LAMC2: variants seen among roughly 807,000 people sequenced by gnomAD.
The protein encoded by LAMC2 is laminin subunit gamma 2, also known as laminin subunit gamma-2.
Under a neutral mutation model 140.2 loss-of-function variants are expected in LAMC2, and 97 were observed. That is an observed-to-expected ratio of 0.69 (90% CI 0.59 to 0.82). The LOEUF (loss-of-function observed/expected upper bound fraction) is 0.82. Ranked by LOEUF, LAMC2 falls within the 40% of genes least tolerant of loss-of-function variation. The pLI is 0.00. For synonymous variants in LAMC2, 513 were observed against 540.2 expected, an observed-to-expected ratio of 0.95 and a Z score of 0.70; for missense variants, 1,402 against 1,476.1, an observed-to-expected ratio of 0.95 and a Z score of 0.82.
rs527299855 is a variant in LAMC2, at chr1:183,191,276, T to C, written c.79+4845T>C. 3.9e-5 allele frequency among the ~76,000 whole-genome samples: 6 copies of C among 152,242 alleles called. No homozygotes were observed. In the South Asian group the frequency reaches 1.2e-3, roughly 32 times the overall value. On this transcript the variant is annotated intron_variant, in intron 1 of 22. Transcript: ENST00000264144. ...CATGTACAGAGATATAGAATTGGGT[T>C]GGAGGTGGGCTGGAAATTCCCATAT...
At chr1:183,197,513 A>G (rs889087118) in intron 1 of LAMC2, among the ~76,000 whole-genome samples, 1 of 152,060 alleles carries the variant, frequency 6.6e-6, no homozygotes, top group Admixed American at 6.6e-5. Flanking sequence ...TGTCTCTACT[A>G]AAAATACAAA....
chr1:183,199,103 T>TC (rs1458209375), intron 1 of LAMC2, among the ~76,000 whole-genome samples: 1 of 134,298 alleles, frequency 7.4e-6, no homozygotes, highest in African/African-American at 2.8e-5. Flanking sequence ...TTTTCTTTTT[T>TC]TTTTTTTTTT....
chr1:183,238,223 G>C lies in LAMC2; in HGVS notation c.2755-84G>C, dbSNP rs574813699. ...ACTCTGCAGTGAATCACAATGATCTGCTGTCATGAAGAGAAATGTGTCAGA... is the reference window on the plus strand; with the variant it reads ...ACTCTGCAGTGAATCACAATGATCTCCTGTCATGAAGAGAAATGTGTCAGA... On this transcript the variant is annotated intron_variant, in intron 18 of 22. Transcript: ENST00000264144. 1.6e-5 allele frequency: 15 copies of C among 963,112 alleles called. No individual in the cohort carries two copies. In the African/African-American group the frequency reaches 2.2e-4, roughly 14 times the overall value. The allele number at this position is 963,112 out of a possible 1,614,324, so 59.7% of individuals were successfully genotyped here.
intron 4 of LAMC2, among the ~76,000 whole-genome samples, chr1:183,218,926 C>T (rs190972798): frequency 1.8e-4 from 28 of 152,322 alleles, no homozygotes; most frequent in Non-Finnish European, 3.7e-4. Context: ...ATATAACCAT[C>T]GTGTACAGAA....
At chr1:183,233,210 A>G (rs1463141808) in intron 14 of LAMC2, among the ~76,000 whole-genome samples, 1 of 152,118 alleles carries the variant, frequency 6.6e-6, no homozygotes, top group Non-Finnish European at 1.5e-5. Context: ...CACAGTGTAT[A>G]GCTGTGGTAA....
intron 17 of LAMC2, among the ~76,000 whole-genome samples, chr1:183,237,143 G>A (rs1659989135): frequency 6.6e-6 from 1 of 152,164 alleles, no homozygotes; most frequent in Admixed American, 6.5e-5. Context: ...CAGAGACAAA[G>A]CCTGTTTGAC....
chr1:183,253,887 G>A, the LAMC2 span, among the ~76,000 whole-genome samples: 4 of 150,618 alleles, frequency 2.7e-5, no homozygotes, highest in African/African-American at 4.9e-5. Context: ...TTTTTAAGTC[G>A]AATAATGTTC....
chr1:183,202,928 G>A (rs1400248686), intron 1 of LAMC2, among the ~76,000 whole-genome samples: 2 of 152,132 alleles, frequency 1.3e-5, no homozygotes, highest in African/African-American at 4.8e-5. Context: ...AAGTTCAACA[G>A]AACATTCATT....
rs201277267 is a variant in LAMC2 at position 183,230,974 on chromosome 1, C to T, written c.1728C>T (p.Asn576=). 43 of 1,614,110 alleles carry T rather than the reference C, an allele frequency of 2.7e-5. No homozygotes were observed. Among genetic ancestry groups the T allele is most frequent in the Non-Finnish European group, 3.2e-5 (38 of 1,180,006 alleles). The part of the protein sequence containing the change: ...PADKCRACNC[N]PMGSEPVGCR... ...TTTTGTCTCTAGCTTGCAACTGTAA[C>T]CCCATGGGCTCAGAGCCTGTAGGAT... Residue 576 remains asparagine (N), a synonymous_variant, in exon 12 of 23, where the codon AAC becomes AAT. Coordinates refer to ENST00000264144, the MANE Select transcript of LAMC2 (RefSeq NM_005562.3).
chr1:183,187,555 T>G (rs112662537), intron 1 of LAMC2, among the ~76,000 whole-genome samples: 1 of 152,128 alleles, frequency 6.6e-6, no homozygotes, highest in Non-Finnish European at 1.5e-5. Context: ...CATATTAATT[T>G]GCCTGACTAG....
chr1:183,235,426 C>T (rs947923433), intron 15 of LAMC2, 149 bp from the exon 16 acceptor site: 3 of 814,930 alleles, frequency 3.7e-6, no homozygotes, highest in Admixed American at 4.2e-5. Context: ...TTCTTGACAG[C>T]ACCTCTAATT....
rs1041469913 is a variant in LAMC2 at position 183,238,548 on chromosome 1, A to G, written c.2869+127A>G. The G allele has an allele frequency of 3.6e-5, 24 of 669,244 alleles. 1 individual carries two copies. The highest frequency in any genetic ancestry group is 2.7e-5 in the Non-Finnish European group (10 of 371,428). The allele number at this position is 669,244 out of a possible 1,614,324, so 41.5% of individuals were successfully genotyped here. ...GGATATTAATAGATCCTTAGTAAAT[A>G]TCTTTCTAAAGAAAATCTTAATGCA... On this transcript the variant is annotated intron_variant, in intron 19 of 22. Transcript: ENST00000264144.
chr1:183,216,260 G>T (rs1368536213), intron 3 of LAMC2, among the ~76,000 whole-genome samples: 5 of 152,136 alleles, frequency 3.3e-5, no homozygotes, highest in Non-Finnish European at 7.4e-5. Context: ...CAGTTGTCAA[G>T]GTCCCAAGTT....
chr1:183,232,053 G>A, intron 12 of LAMC2, 134 bp from the exon 13 acceptor site: 1 of 1,064,946 alleles, frequency 9.4e-7, no homozygotes, highest in Non-Finnish European at 1.4e-6. Flanking sequence ...AGGCTCCAGG[G>A]TCTAAAATTT....
chr1:183,210,594 G>T (rs1034489182), intron 2 of LAMC2, among the ~76,000 whole-genome samples: 2 of 150,638 alleles, frequency 1.3e-5, no homozygotes, highest in African/African-American at 4.9e-5. Context: ...CCATATGAAA[G>T]AAAAAAAAAT....
intron 1 of LAMC2, among the ~76,000 whole-genome samples, chr1:183,207,572 A>G (rs1658927249): frequency 6.6e-6 from 1 of 152,190 alleles, no homozygotes; most frequent in Admixed American, 6.5e-5. Context: ...AAATATCCGC[A>G]TAAAAATGTA....
the LAMC2 span, chr1:183,252,276 A>G: frequency 5.1e-5 from 12 of 236,132 alleles, no homozygotes; most frequent in South Asian, 4.1e-4. Context: ...TCTCTAGAGC[A>G]TGCTGGGAGG....
At chr1:183,233,246 AAATGAATG>A (rs796165841) in intron 14 of LAMC2, among the ~76,000 whole-genome samples, 1 of 152,134 alleles carries the variant, frequency 6.6e-6, no homozygotes, top group Non-Finnish European at 1.5e-5. Context: ...ATGAATGGAT[AAATGAATG>A]AATGAATGAA....
chr1:183,253,956 T>TAAG, the LAMC2 span, among the ~76,000 whole-genome samples: 1 of 151,460 alleles, frequency 6.6e-6, no homozygotes, highest in Non-Finnish European at 1.5e-5. Flanking sequence ...TGTGTGTGTG[T>TAAG]AAGAACACAT....
Sources: gnomAD v4.1 joint callset for allele counts (sites outside exome capture counted in the v4.1 genomes callset) on GRCh38, gnomAD v4.1.1 for gene constraint, MANE v1.5 for transcripts, NCBI Gene and HGNC (gene_info 2026-07-23, HGNC 2026-07-21) for gene names.